The following AGBL4 variants were observed in gnomAD, a reference collection of about 807,000 sequenced individuals.
AGBL4 encodes the protein AGBL carboxypeptidase 4.
In AGBL4, 58 loss-of-function variants were observed where a neutral mutation model predicts 66.4. The ratio of observed to expected loss-of-function variants is 0.87; its 90% CI spans 0.71 to 1.09. The LOEUF is 1.09. Ranked by LOEUF, AGBL4 falls within the 50% of genes least tolerant of loss-of-function variation. AGBL4 has a pLI of 0.00. For missense variants in AGBL4, 579 were observed against 631.0 expected (o/e 0.92, Z 0.88); for synonymous variants, 234 against 222.9 (o/e 1.05, Z -0.44).
intron 4 of AGBL4, among the ~76,000 whole-genome samples, chr1:49,171,971 C>A (rs868140478): frequency 2.0e-5 from 3 of 152,128 alleles, no homozygotes; most frequent in African/African-American, 7.2e-5. Context: ...GAGATAATAA[C>A]CTGTGCAAAT....
chr1:48,836,164 G>A (rs1178647446), intron 6 of AGBL4, among the ~76,000 whole-genome samples: 5 of 151,920 alleles, frequency 3.3e-5, no homozygotes, highest in Admixed American at 3.3e-4. Context: ...AGCACCAGAA[G>A]GAGTAGAGGC....
chr1:49,123,630 G>A (rs1264730763), intron 4 of AGBL4, among the ~76,000 whole-genome samples: 3 of 152,146 alleles, frequency 2.0e-5, no homozygotes, highest in African/African-American at 4.8e-5. Context: ...GCTAGGGTGT[G>A]TCTAAGGATG....
chr1:48,650,541 C>T (rs1645912874), intron 8 of AGBL4, among the ~76,000 whole-genome samples: 1 of 151,984 alleles, frequency 6.6e-6, no homozygotes, highest in South Asian at 2.1e-4. Flanking sequence ...TCCCCCACCG[C>T]CACCTTTTCT....
intron 1 of AGBL4, among the ~76,000 whole-genome samples, chr1:49,883,233 C>T (rs1223749291): frequency 6.6e-6 from 1 of 152,100 alleles, no homozygotes; most frequent in Non-Finnish European, 1.5e-5. Flanking sequence ...AGCGATTCCA[C>T]ACACAAATAC....
At chr1:49,009,628 A>C (rs1389100424) in intron 5 of AGBL4, among the ~76,000 whole-genome samples, 10 of 151,864 alleles carry the variant, frequency 6.6e-5, no homozygotes, top group Non-Finnish European at 1.5e-4. Context: ...AAAAATCCTC[A>C]ATAAAATACT....
At chr1:50,019,863 T>C (rs1230858778) in intron 1 of AGBL4, among the ~76,000 whole-genome samples, 1 of 152,082 alleles carries the variant, frequency 6.6e-6, no homozygotes, top group African/African-American at 2.4e-5. Context: ...AAGGTTTTCT[T>C]TTTTATTAGT....
intron 6 of AGBL4, among the ~76,000 whole-genome samples, chr1:48,683,529 G>A (rs933215207): frequency 6.6e-6 from 1 of 152,166 alleles, no homozygotes; most frequent in Non-Finnish European, 1.5e-5. Flanking sequence ...CAGGATGAGG[G>A]AGAGTATTTG....
chr1:48,657,544 G>A (rs1213948686), intron 7 of AGBL4, among the ~76,000 whole-genome samples: 2 of 152,240 alleles, frequency 1.3e-5, no homozygotes, highest in Non-Finnish European at 2.9e-5. Flanking sequence ...ATAGCAGAGA[G>A]AGCTGGCAGA....
At chr1:49,844,938 C>A in intron 2 of AGBL4, 3 of 1,364,352 alleles carry the variant, frequency 2.2e-6, no homozygotes, top group Non-Finnish European at 3.1e-6. Context: ...TTGGGGAAAA[C>A]AGAAGTCTGA....
At chr1:49,363,193 A>G (rs1644177073) in intron 3 of AGBL4, among the ~76,000 whole-genome samples, 1 of 152,200 alleles carries the variant, frequency 6.6e-6, no homozygotes. Flanking sequence ...TGACAAAGAT[A>G]GGTTTGAGGA....
At chr1:49,790,098 G>A (rs1571571969) in intron 2 of AGBL4, among the ~76,000 whole-genome samples, 1 of 152,046 alleles carries the variant, frequency 6.6e-6, no homozygotes, top group Admixed American at 6.5e-5. Context: ...CCTATTTAAG[G>A]CCAGGCACGG....
intron 3 of AGBL4, among the ~76,000 whole-genome samples, chr1:49,488,754 T>C (rs540065624): frequency 2.6e-5 from 4 of 151,976 alleles, no homozygotes; most frequent in African/African-American, 7.2e-5. Context: ...ATGAGTTAAA[T>C]TGTTTTAATT....
intron 1 of AGBL4, among the ~76,000 whole-genome samples, chr1:49,864,189 T>C (rs937494306): frequency 1.3e-5 from 2 of 152,164 alleles, no homozygotes; most frequent in Middle Eastern, 3.2e-3. Context: ...TTCTCATTTA[T>C]TTGTGGGATC....
rs572672471 is a variant in AGBL4, at chr1:49,653,925, C to T, written c.282+43388G>A. Reference sequence around the variant, plus strand: ...TCAGGATATCATCTAGGAGAACTTCCCCAACCTAGCAAGATAGTCCAATGT... The same window carrying T: ...TCAGGATATCATCTAGGAGAACTTCTCCAACCTAGCAAGATAGTCCAATGT... On this transcript the variant is annotated intron_variant, in intron 3 of 13. Coordinates refer to ENST00000371839, the MANE Select transcript of AGBL4 (RefSeq NM_032785.4). 1.4e-3 allele frequency among the ~76,000 whole-genome samples: 210 copies of T among 151,988 alleles called. 1 individual carries two copies. Among genetic ancestry groups the T allele is most frequent in the African/African-American group, 4.8e-3 (199 of 41,466 alleles).
intron 6 of AGBL4, among the ~76,000 whole-genome samples, chr1:48,847,366 G>A (rs1165365610): frequency 1.3e-5 from 2 of 149,786 alleles, no homozygotes; most frequent in African/African-American, 4.9e-5. Context: ...CTGAAACCAA[G>A]GTCAAAGAAG....
At chr1:49,730,488 G>A (rs543401331) in intron 2 of AGBL4, among the ~76,000 whole-genome samples, 1 of 152,314 alleles carries the variant, frequency 6.6e-6, no homozygotes, top group East Asian at 1.9e-4. Context: ...AGTCGGGAAT[G>A]AGAGACAGAA....
At chr1:49,572,150 A>T (rs893804001) in intron 3 of AGBL4, among the ~76,000 whole-genome samples, 1 of 152,122 alleles carries the variant, frequency 6.6e-6, no homozygotes, top group Non-Finnish European at 1.5e-5. Context: ...AAATGGTATT[A>T]GTTATTTTTT....
intron 3 of AGBL4, among the ~76,000 whole-genome samples, chr1:49,692,388 A>G (rs2124598836): frequency 6.6e-6 from 1 of 152,154 alleles, no homozygotes; most frequent in East Asian, 1.9e-4. Context: ...CCAGGATGAA[A>G]TTTCAGAGCC....
At chr1:48,985,743 C>A (rs978255441) in intron 5 of AGBL4, among the ~76,000 whole-genome samples, 2 of 151,980 alleles carry the variant, frequency 1.3e-5, no homozygotes, top group East Asian at 1.9e-4. Context: ...AAAATTCAGT[C>A]ATTTGAGAAA....
Sources: allele counts gnomAD v4.1 joint callset (sites outside exome capture counted in the v4.1 genomes callset), GRCh38; gene constraint gnomAD v4.1.1; transcripts MANE v1.5; gene names NCBI Gene and HGNC (gene_info 2026-07-23, HGNC 2026-07-21).